Variants in CHST9 observed in about 807,000 individuals in gnomAD.
CHST9 encodes the protein carbohydrate sulfotransferase 9.
In CHST9, 41 loss-of-function variants were observed where a neutral mutation model predicts 44.4. The ratio of observed to expected loss-of-function variants is 0.92; its 90% CI spans 0.72 to 1.20. The LOEUF is 1.20. Among genes scored for constraint, CHST9 ranks in the 50% most tolerant of loss-of-function variants. CHST9 has a pLI of 0.00. For synonymous variants in CHST9, 171 were observed against 178.4 expected, an observed-to-expected ratio of 0.96 and a Z score of 0.33; for missense variants, 504 against 516.5, an observed-to-expected ratio of 0.98 and a Z score of 0.23.
intron 1 of CHST9, among the ~76,000 whole-genome samples, chr18:27,178,503 C>T (rs1296101980): frequency 6.6e-6 from 1 of 151,950 alleles, no homozygotes; most frequent in Non-Finnish European, 1.5e-5. Context: ...TTTTCAAGAG[C>T]AGATCTTAAG....
At chr18:27,087,688 T>C (rs2058026095) in intron 2 of CHST9, among the ~76,000 whole-genome samples, 1 of 152,186 alleles carries the variant, frequency 6.6e-6, no homozygotes, top group Non-Finnish European at 1.5e-5. Flanking sequence ...CACAATGAAT[T>C]GGGGGATTAA....
rs534432767 is a variant in CHST9, at chr18:27,171,268, C to T, written c.-97+13868G>A. On this transcript the variant is annotated intron_variant, in intron 1 of 5. Transcript: ENST00000618847. Reference sequence around the variant, plus strand: ...CAAAAAGTGGCTTATGAACTAGAGGCGCAGGCAAGAGGAAAGGGTGGGCAT... The same window carrying T: ...CAAAAAGTGGCTTATGAACTAGAGGTGCAGGCAAGAGGAAAGGGTGGGCAT... Among the ~76,000 whole-genome samples, 14 of 152,160 alleles carry T rather than the reference C, an allele frequency of 9.2e-5. 1 individual carries two copies. In the South Asian group the frequency reaches 1.9e-3, roughly 20 times the overall value.
intron 3 of CHST9, among the ~76,000 whole-genome samples, chr18:27,048,008 G>C (rs2057524670): frequency 6.6e-6 from 1 of 152,180 alleles, no homozygotes; most frequent in Admixed American, 6.6e-5. Flanking sequence ...TATGAATTTA[G>C]AAGTGAAGGC....
intron 4 of CHST9, among the ~76,000 whole-genome samples, chr18:26,968,591 T>C (rs1268049968): frequency 6.6e-6 from 1 of 152,242 alleles, no homozygotes; most frequent in African/African-American, 2.4e-5. Flanking sequence ...TTTGAAGTCA[T>C]GAAAATTTGT....
chr18:27,093,851 T>G (rs2058091920), intron 2 of CHST9, among the ~76,000 whole-genome samples: 1 of 150,526 alleles, frequency 6.6e-6, no homozygotes, highest in Admixed American at 6.6e-5. Context: ...CTGCAGACCA[T>G]AGCTGTTCCT....
chr18:27,137,022 ATGT>A (rs1420737166), intron 2 of CHST9, among the ~76,000 whole-genome samples: 3 of 152,148 alleles, frequency 2.0e-5, no homozygotes, highest in Admixed American at 6.6e-5. Flanking sequence ...TTGATAGAAA[ATGT>A]TGTTACATAT....
intron 2 of CHST9, among the ~76,000 whole-genome samples, chr18:27,075,006 GTTTTTC>G (rs2057886733): frequency 7.2e-6 from 1 of 139,616 alleles, no homozygotes; most frequent in Non-Finnish European, 1.5e-5. Context: ...TTTCCACTAT[GTTTTTC>G]TTTTTTTTAT....
In CHST9 at chr18:27,142,897, T is replaced by TA. The variant is rs1425443548; in HGVS notation, c.-89dup. On this transcript the variant is annotated 5_prime_UTR_variant, in exon 2 of 6. Transcript: ENST00000618847. ...CTTGTTCTCTAAGAGCCCAATTCCA[T>TA]AAAGTAACCTAGAATTTTAAAAAGA... is the stretch of plus-strand genomic sequence containing the variant. 3 of 1,218,848 alleles carry TA rather than the reference T, an allele frequency of 2.5e-6. No homozygotes were observed. The East Asian group carries it at 7.4e-5, about 30-fold the overall frequency. The allele number at this position is 1,218,848 out of a possible 1,614,324, so 75.5% of individuals were successfully genotyped here.
At position 27,142,854 on chromosome 18, in the gene CHST9, G is replaced by A. The variant is rs574402873; in HGVS notation, c.-45C>T. On this transcript the variant is annotated 5_prime_UTR_variant, in exon 2 of 6. In the 5' UTR this introduces an upstream ATG that the reference lacks. Transcript: ENST00000618847. Reference sequence around the variant, plus strand: ...TGAAGACCACATGATTTGTTTTCCCGTAAAACTTCAGTCTTTTCTTGTTCT... The same window carrying A: ...TGAAGACCACATGATTTGTTTTCCCATAAAACTTCAGTCTTTTCTTGTTCT... The A allele has an allele frequency of 2.8e-5, 44 of 1,546,280 alleles. No homozygotes were observed. The highest frequency in any genetic ancestry group is 6.5e-5 in the South Asian group (5 of 77,380).
At chr18:27,153,065 A>G (rs1031811336) in intron 1 of CHST9, among the ~76,000 whole-genome samples, 1 of 152,214 alleles carries the variant, frequency 6.6e-6, no homozygotes, top group African/African-American at 2.4e-5. Context: ...GTGGAATTAA[A>G]GAATACCGAA....
intron 1 of CHST9, among the ~76,000 whole-genome samples, chr18:27,152,649 C>T (rs563408384): frequency 1.1e-4 from 16 of 152,268 alleles, no homozygotes; most frequent in African/African-American, 3.9e-4. Flanking sequence ...TGTTAACCAA[C>T]ATATGTTGAG....
At position 26,906,997 on chromosome 18, in the gene CHST9, T is replaced by C. The variant is rs1262990457; in HGVS notation, c.*9262A>G. On this transcript the variant is annotated 3_prime_UTR_variant, in exon 6 of 6. Coordinates refer to ENST00000618847, the MANE Select transcript of CHST9 (RefSeq NM_031422.6). ...AGAAGAATTGGGATCATGCAGGATA[T>C]AGAATGTATAGTGGGAAACAGAACT... The C allele has an allele frequency of 6.6e-6, 1 of 152,150 alleles. No homozygotes were observed. Among genetic ancestry groups the C allele is most frequent in the Admixed American group, 6.5e-5 (1 of 15,274 alleles). The allele number at this position is 152,150 out of a possible 1,614,324, so 9.4% of individuals were successfully genotyped here. A position where few individuals can be genotyped will look rare whatever the true frequency, so the allele number is the denominator to read the frequency against.
chr18:27,137,577 C>G (rs991242461), intron 2 of CHST9, among the ~76,000 whole-genome samples: 1 of 151,910 alleles, frequency 6.6e-6, no homozygotes, highest in Non-Finnish European at 1.5e-5. Flanking sequence ...CAGGCAGTGG[C>G]TACAGCTCAC....
At chr18:27,024,265 A>C (rs879302853) in intron 3 of CHST9, 108 bp from the exon 4 acceptor site, 2 of 836,258 alleles carry the variant, frequency 2.4e-6, no homozygotes, top group Non-Finnish European at 3.7e-6. Context: ...TATTTGTAAC[A>C]AGGAAAATGA....
chr18:26,979,743 G>A (rs2056669250), intron 4 of CHST9, among the ~76,000 whole-genome samples: 2 of 152,158 alleles, frequency 1.3e-5, no homozygotes, highest in Non-Finnish European at 2.9e-5. Context: ...AACTGCTCAA[G>A]AAATATTTGT....
At chr18:26,979,212 C>G (rs973419973) in intron 4 of CHST9, among the ~76,000 whole-genome samples, 2 of 151,958 alleles carry the variant, frequency 1.3e-5, no homozygotes, top group Non-Finnish European at 2.9e-5. Context: ...GCTGGCAACC[C>G]CTTGCATCTT....
intron 2 of CHST9, among the ~76,000 whole-genome samples, chr18:27,102,897 T>C (rs529426462): frequency 6.2e-4 from 95 of 152,318 alleles, no homozygotes; most frequent in African/African-American, 2.2e-3. Context: ...GTACTGTTTG[T>C]GACTAACTTA....
chr18:26,956,435 C>G (rs1455604366), intron 4 of CHST9, among the ~76,000 whole-genome samples: 3 of 145,572 alleles, frequency 2.1e-5, no homozygotes, highest in Non-Finnish European at 4.5e-5. Context: ...TCACTAGGAC[C>G]ACAAAAATAA....
chr18:27,126,954 G>A lies in CHST9; in HGVS notation c.121+15735C>T, dbSNP rs575261985. Among the ~76,000 whole-genome samples the A allele has an allele frequency of 3.4e-4, 52 of 152,322 alleles. 1 individual carries two copies. The South Asian group carries it at 8.9e-3, about 26-fold the overall frequency. On this transcript the variant is annotated intron_variant, in intron 2 of 5. Transcript: ENST00000618847. ...AGATCTTTCTGGATAACATGTAGGTGCAGGCAGAGAGGAAGGAAGAGGAAA... is the reference window on the plus strand; with the variant it reads ...AGATCTTTCTGGATAACATGTAGGTACAGGCAGAGAGGAAGGAAGAGGAAA...
Sources: gnomAD v4.1 joint callset for allele counts (sites outside exome capture counted in the v4.1 genomes callset) on GRCh38, gnomAD v4.1.1 for gene constraint, MANE v1.5 for transcripts, NCBI Gene and HGNC (gene_info 2026-07-23, HGNC 2026-07-21) for gene names.